The following SLC25A51 variants were observed in gnomAD, a reference collection of about 807,000 sequenced individuals.
SLC25A51 encodes solute carrier family 25 member 51.
A neutral mutation model predicts 19.1 loss-of-function variants in SLC25A51; 11 were observed. That is an observed-to-expected ratio of 0.58 (90% confidence interval 0.36 to 0.96). SLC25A51 has a LOEUF of 0.96. Ranked by LOEUF, SLC25A51 falls within the 40% of genes least tolerant of loss-of-function variation. The probability of loss-of-function intolerance (pLI) is 0.01; values close to 1 mark genes in which losing one functional copy is unlikely to be tolerated. For synonymous variants in SLC25A51, 105 were observed against 133.6 expected, an observed-to-expected ratio of 0.79 and a Z score of 1.47; for missense variants, 201 against 365.4, an observed-to-expected ratio of 0.55 and a Z score of 3.67.
downstream of SLC25A51, chr9:37,885,546 C>T (rs554383498): frequency 5.6e-5 from 34 of 606,812 alleles, no homozygotes; most frequent in East Asian, 4.6e-4. Flanking sequence ...CCCGCCACCA[C>T]GCCTGGCTAA....
chr9:37,893,965 C>G (rs1053212053), intron 2 of SLC25A51, among the ~76,000 whole-genome samples: 2 of 152,160 alleles, frequency 1.3e-5, no homozygotes, highest in South Asian at 4.1e-4. Context: ...TCCCTGCCCT[C>G]TTCAACCTAC....
In SLC25A51 at chr9:37,899,810, G is replaced by C. The variant is rs1226049805; in HGVS notation, c.-43+19C>G. The C allele has an allele frequency of 7.5e-6, 1 of 133,842 alleles. No homozygotes were observed. Among genetic ancestry groups the C allele is most frequent in the African/African-American group, 3.2e-5 (1 of 31,680 alleles). The allele number at this position is 133,842 out of a possible 1,614,324, so 8.3% of individuals were successfully genotyped here. A position where few individuals can be genotyped will look rare whatever the true frequency, so the allele number is the denominator to read the frequency against. On this transcript the variant is annotated intron_variant, in intron 2 of 2. Transcript: ENST00000242275. ...ATCTTATCAAAATGATGTGTTCCTTGAAGTTTAATTGCATTCACCTGTGAC... is the reference window on the plus strand; with the variant it reads ...ATCTTATCAAAATGATGTGTTCCTTCAAGTTTAATTGCATTCACCTGTGAC...
At chr9:37,900,982 C>T (rs1831834141) in intron 1 of SLC25A51, among the ~76,000 whole-genome samples, 1 of 152,140 alleles carries the variant, frequency 6.6e-6, no homozygotes, top group African/African-American at 2.4e-5. Context: ...CCTTCCACCT[C>T]AGCCATCTGA....
At chr9:37,892,562 T>C (rs1443322235) in intron 2 of SLC25A51, among the ~76,000 whole-genome samples, 1 of 151,634 alleles carries the variant, frequency 6.6e-6, no homozygotes, top group Non-Finnish European at 1.5e-5. Flanking sequence ...CTACATTATA[T>C]ATATATATTT....
downstream of SLC25A51, among the ~76,000 whole-genome samples, chr9:37,886,590 T>C (rs1226549844): frequency 2.6e-5 from 4 of 151,238 alleles, no homozygotes; most frequent in Non-Finnish European, 4.4e-5. Flanking sequence ...TGGCCAACTG[T>C]TGCACTGGAG....
At chr9:37,899,469 G>A (rs1831794884) in intron 2 of SLC25A51, among the ~76,000 whole-genome samples, 1 of 151,800 alleles carries the variant, frequency 6.6e-6, no homozygotes, top group Non-Finnish European at 1.5e-5. Flanking sequence ...GCAGCCTCAA[G>A]CTCCTAGACT....
chr9:37,896,939 A>G (rs1164248674), intron 2 of SLC25A51, among the ~76,000 whole-genome samples: 2 of 152,184 alleles, frequency 1.3e-5, no homozygotes, highest in African/African-American at 4.8e-5. Context: ...ATTAGACTAT[A>G]GGGAGATAAG....
At chr9:37,888,683 AC>A in intron 2 of SLC25A51, 91 bp from the exon 3 acceptor site, 2 of 1,015,458 alleles carry the variant, frequency 2.0e-6, no homozygotes, top group Non-Finnish European at 2.8e-6. Flanking sequence ...ATATCTGGAC[AC>A]CACACTTTCC....
rs1831505902 is a variant in SLC25A51 at position 37,888,250 on chromosome 9, G to A, written c.301C>T (p.Leu101=). ...KTTTLALMFG[L]YEDLSCLLHK... is the part of the protein sequence containing the mutation. ...AGAAGGCAGGATAAATCCTCATACA[G>A]ACCAAACATAAGTGCAAGCGTAGTT... Residue 101 remains leucine (L), a synonymous_variant, in exon 3 of 3, where the codon CTG becomes TTG. Transcript: ENST00000242275. 4.3e-6 allele frequency: 7 copies of A among 1,614,202 alleles called. No homozygotes were observed. Among genetic ancestry groups the A allele is most frequent in the Non-Finnish European group, 5.1e-6 (6 of 1,180,036 alleles).
chr9:37,887,896 C>T lies in SLC25A51; in HGVS notation c.655G>A (p.Gly219Ser). The change falls in exon 3 of 3, where the codon GGT becomes AGT. Residue 219 changes from glycine (G) to serine (S), a missense_variant. Physicochemically the swap from Gly to Ser is moderately conservative, Grantham distance 56. Transcript: ENST00000242275. ...AATCCCAACATGGCACCCAATAGACCTCCACAGATAAAATCATTGACCAGA... is the reference window on the plus strand; with the variant it reads ...AATCCCAACATGGCACCCAATAGACTTCCACAGATAAAATCATTGACCAGA... ...AHLVNDFICG[G>S]LLGAMLGFLF... The T allele has an allele frequency of 6.2e-7, 1 of 1,611,976 alleles. No individual in the cohort carries two copies. Among genetic ancestry groups the T allele is most frequent in the Non-Finnish European group, 8.5e-7 (1 of 1,179,840 alleles).
At chr9:37,898,782 TGAGA>T (rs1336499758) in intron 2 of SLC25A51, among the ~76,000 whole-genome samples, 5 of 152,086 alleles carry the variant, frequency 3.3e-5, no homozygotes, top group Admixed American at 3.3e-4. Context: ...TAAGTCAAAC[TGAGA>T]GAATTTTCAA....
chr9:37,882,329 G>A (rs1294537913), intron 2 of SLC25A51, among the ~76,000 whole-genome samples: 7 of 152,192 alleles, frequency 4.6e-5, no homozygotes, highest in East Asian at 3.9e-4. Flanking sequence ...ACCAGTGTTC[G>A]TTCAACATGA....
intron 1 of SLC25A51, among the ~76,000 whole-genome samples, chr9:37,901,917 G>C (rs1237164528): frequency 1.3e-5 from 2 of 152,150 alleles, no homozygotes; most frequent in Non-Finnish European, 2.9e-5. Context: ...AATATTTGAA[G>C]TCCTAAAACT....
At chr9:37,883,787 G>A (rs1037672496), downstream of SLC25A51, among the ~76,000 whole-genome samples, 2 of 152,172 alleles carry the variant, frequency 1.3e-5, no homozygotes, top group African/African-American at 4.8e-5. Context: ...TATTTATTTG[G>A]TGCCAAATTA....
At chr9:37,902,510 T>C (rs1285219718) in intron 1 of SLC25A51, among the ~76,000 whole-genome samples, 1 of 152,246 alleles carries the variant, frequency 6.6e-6, no homozygotes, top group African/African-American at 2.4e-5. Context: ...GAATATGTTC[T>C]TAATTTAGCA....
chr9:37,894,604 G>C (rs1224472106), intron 2 of SLC25A51, among the ~76,000 whole-genome samples: 2 of 152,130 alleles, frequency 1.3e-5, no homozygotes, highest in African/African-American at 4.8e-5. Flanking sequence ...GGGATTACAG[G>C]TATGAGCCAC....
At chr9:37,892,568 T>C (rs1246849074) in intron 2 of SLC25A51, among the ~76,000 whole-genome samples, 1 of 151,526 alleles carries the variant, frequency 6.6e-6, no homozygotes, top group East Asian at 1.9e-4. Context: ...TATATATATA[T>C]ATTTTTTTCT....
At chr9:37,900,155 A>G (rs1285472949) in intron 1 of SLC25A51, among the ~76,000 whole-genome samples, 1 of 151,156 alleles carries the variant, frequency 6.6e-6, no homozygotes, top group Non-Finnish European at 1.5e-5. Flanking sequence ...ATTTTTAAAG[A>G]CAGGATCTTG....
At chr9:37,901,299 A>G (rs750372058) in intron 1 of SLC25A51, among the ~76,000 whole-genome samples, 23 of 152,112 alleles carry the variant, frequency 1.5e-4, no homozygotes, top group Non-Finnish European at 2.8e-4. Flanking sequence ...CCTCCCAAGT[A>G]GCTGGGATTA....
Sources: allele counts gnomAD v4.1 joint callset (sites outside exome capture counted in the v4.1 genomes callset), GRCh38; gene constraint gnomAD v4.1.1; transcripts MANE v1.5; gene names NCBI Gene and HGNC (gene_info 2026-07-23, HGNC 2026-07-21).